The following PKIB variants were observed in gnomAD, a reference collection of about 807,000 sequenced individuals.
PKIB encodes PKI-beta.
In PKIB, 2 loss-of-function variants were observed where a neutral mutation model predicts 4.5. That is an observed-to-expected ratio of 0.44 (90% CI 0.18 to 1.39). The LOEUF is 1.39. Among genes scored for constraint, PKIB ranks in the 40% most tolerant of loss-of-function variants. PKIB has a pLI of 0.27. For synonymous variants in PKIB, 38 were observed against 36.0 expected (o/e 1.06, Z -0.20); for missense variants, 94 against 92.6 (o/e 1.02, Z -0.06).
intron 2 of PKIB, among the ~76,000 whole-genome samples, chr6:122,537,165 T>G (rs575388485): frequency 1.2e-4 from 18 of 152,244 alleles, no homozygotes; most frequent in Non-Finnish European, 2.5e-4. Context: ...CTTTATTTTA[T>G]TTTATTTTAT....
At chr6:122,477,705 G>C (rs1775485905) in intron 1 of PKIB, 1 of 152,160 alleles carries the variant, frequency 6.6e-6, no homozygotes, top group African/African-American at 2.4e-5. Context: ...AGCGACTTCA[G>C]ACAGTGATTT....
intron 2 of PKIB, among the ~76,000 whole-genome samples, chr6:122,559,373 G>C (rs1373334333): frequency 4.6e-5 from 7 of 151,648 alleles, no homozygotes; most frequent in Non-Finnish European, 1.0e-4. Context: ...TTTATTTCTG[G>C]CTTCTGTATT....
At chr6:122,654,091 T>C (rs1336263104) in intron 2 of PKIB, among the ~76,000 whole-genome samples, 1 of 152,198 alleles carries the variant, frequency 6.6e-6, no homozygotes, top group Non-Finnish European at 1.5e-5. Context: ...GGCCAGATAA[T>C]GTTAGTGCTT....
chr6:122,562,004 G>GTTTTTTTTTTTTTTT (rs758656278), intron 2 of PKIB, among the ~76,000 whole-genome samples: 7 of 79,504 alleles, frequency 8.8e-5, no homozygotes, highest in Non-Finnish European at 1.1e-4. Flanking sequence ...GTTTTTTTTT[G>GTTTTTTTTTTTTTTT]TTTTTTTTTT....
At chr6:122,576,220 C>T (rs1417138984) in intron 2 of PKIB, among the ~76,000 whole-genome samples, 1 of 152,124 alleles carries the variant, frequency 6.6e-6, no homozygotes, top group Non-Finnish European at 1.5e-5. Flanking sequence ...TATATTTTGG[C>T]TGGGCGTGGT....
intron 3 of PKIB, among the ~76,000 whole-genome samples, chr6:122,717,022 T>G (rs993285681): frequency 6.6e-6 from 1 of 152,200 alleles, no homozygotes; most frequent in African/African-American, 2.4e-5. Flanking sequence ...GAGAGATTCA[T>G]TCCAAAACAT....
At chr6:122,611,383 T>C (rs906219898) in intron 1 of PKIB, among the ~76,000 whole-genome samples, 4 of 152,116 alleles carry the variant, frequency 2.6e-5, no homozygotes, top group African/African-American at 7.2e-5. Context: ...ATGCGTGAAC[T>C]AGGCATGTGG....
chr6:122,663,115 A>G (rs1445863116), intron 2 of PKIB, among the ~76,000 whole-genome samples: 2 of 152,180 alleles, frequency 1.3e-5, no homozygotes, highest in East Asian at 1.9e-4. Flanking sequence ...TGATAGCTTG[A>G]TATCTGTTAA....
intron 2 of PKIB, among the ~76,000 whole-genome samples, chr6:122,513,791 G>T (rs1282361851): frequency 6.6e-6 from 1 of 152,152 alleles, no homozygotes; most frequent in Non-Finnish European, 1.5e-5. Flanking sequence ...TATCTATGTT[G>T]CTGCAAAGGA....
intron 2 of PKIB, among the ~76,000 whole-genome samples, chr6:122,544,116 A>G (rs1340325453): frequency 6.6e-6 from 1 of 152,004 alleles, no homozygotes; most frequent in Non-Finnish European, 1.5e-5. Context: ...ATACACTGAT[A>G]CCTATTAAAA....
At chr6:122,472,903 G>T (rs765512331) in intron 1 of PKIB, among the ~76,000 whole-genome samples, 10 of 152,128 alleles carry the variant, frequency 6.6e-5, no homozygotes, top group African/African-American at 9.7e-5. Flanking sequence ...ACAAGGCCAG[G>T]AGTTCAAGAC....
rs544185024 is a variant in PKIB, at chr6:122,502,583, A to G, written c.-248+24644A>G. Among the ~76,000 whole-genome samples, 47 of 152,226 alleles carry G rather than the reference A, an allele frequency of 3.1e-4. 1 individual carries two copies. The South Asian group carries it at 8.3e-3, about 27-fold the overall frequency. On this transcript the variant is annotated intron_variant, in intron 2 of 6. Coordinates refer to the PKIB transcript ENST00000392491. ...TCAGATCTTGTGAGACTCATTCACT[A>G]TCACAAGAGCAGAAAGGGGAAAGTC...
intron 3 of PKIB, among the ~76,000 whole-genome samples, chr6:122,601,317 A>C (rs1044571921): frequency 6.6e-6 from 1 of 152,172 alleles, no homozygotes; most frequent in Non-Finnish European, 1.5e-5. Flanking sequence ...TATATCAAGG[A>C]TATAATATTA....
intron 2 of PKIB, among the ~76,000 whole-genome samples, chr6:122,576,710 A>ATATATATATATATATATTT (rs59569106): frequency 9.1e-6 from 1 of 109,990 alleles, no homozygotes; most frequent in East Asian, 3.2e-4. Flanking sequence ...ATATATATAT[A>ATATATATATATATATATTT]TTTTCTTTTG....
rs1376966530 is a variant in PKIB at position 122,691,652 on chromosome 6, C to G, written c.-9+16508C>G. 4.6e-5 allele frequency among the ~76,000 whole-genome samples: 7 copies of G among 152,108 alleles called. No homozygotes were observed. In the East Asian group the frequency reaches 1.2e-3, roughly 25 times the overall value. On this transcript the variant is annotated intron_variant, in intron 3 of 4. Coordinates refer to ENST00000368452, the MANE Select transcript of PKIB (RefSeq NM_181795.3). ...AAAACAGCTAATTTGAATTCTCTGT[C>G]TGAAAGGTCACATATCTCTTTTTCC...
At chr6:122,601,633 C>T in intron 3 of PKIB, among the ~76,000 whole-genome samples, 1 of 152,108 alleles carries the variant, frequency 6.6e-6, no homozygotes, top group East Asian at 1.9e-4. Context: ...GCCTAATCAA[C>T]ATGAAGATGA....
chr6:122,630,531 G>C (rs940404467), intron 1 of PKIB, among the ~76,000 whole-genome samples: 1 of 152,128 alleles, frequency 6.6e-6, no homozygotes, highest in Non-Finnish European at 1.5e-5. Context: ...GTTTTGAAAA[G>C]AGAAATGGAG....
At chr6:122,553,330 A>T (rs1222825401) in intron 2 of PKIB, among the ~76,000 whole-genome samples, 1 of 152,072 alleles carries the variant, frequency 6.6e-6, no homozygotes, top group African/African-American at 2.4e-5. Context: ...CAAAACCGCA[A>T]ATTACTTTTG....
intron 2 of PKIB, among the ~76,000 whole-genome samples, chr6:122,646,857 C>G (rs950089462): frequency 6.6e-6 from 1 of 151,950 alleles, no homozygotes; most frequent in African/African-American, 2.4e-5. Flanking sequence ...TCTAGTACAC[C>G]CTTGGGAATC....
Sources: allele counts gnomAD v4.1 joint callset (sites outside exome capture counted in the v4.1 genomes callset), GRCh38; gene constraint gnomAD v4.1.1; transcripts MANE v1.5; gene names NCBI Gene and HGNC (gene_info 2026-07-23, HGNC 2026-07-21).